The following LMO7 variants were observed in gnomAD, a reference collection of about 807,000 sequenced individuals.
The protein encoded by LMO7 is LIM domain only protein 7.
Under a neutral mutation model 206.5 loss-of-function variants are expected in LMO7, and 120 were observed. That is an observed-to-expected ratio of 0.58 (90% CI 0.50 to 0.68). The LOEUF is 0.68. Among genes scored for constraint, LMO7 ranks in the 30% least tolerant of loss-of-function variants. The pLI is 0.00. For missense variants in LMO7, 1,959 were observed against 1,957.9 expected (o/e 1.00, Z -0.01); for synonymous variants, 706 against 681.5 (o/e 1.04, Z -0.56).
At chr13:75,632,848 C>G (rs548931514), upstream of LMO7, among the ~76,000 whole-genome samples, 1 of 110,130 alleles carries the variant, frequency 9.1e-6, no homozygotes, top group Non-Finnish European at 2.0e-5. Flanking sequence ...GAGGTATTCA[C>G]TAATTACTTA....
chr13:75,814,580 C>G (rs947577879), intron 11 of LMO7, among the ~76,000 whole-genome samples: 1 of 152,200 alleles, frequency 6.6e-6, no homozygotes, highest in African/African-American at 2.4e-5. Context: ...CGGGCACCTA[C>G]TGCAGGCTGG....
intron 2 of LMO7, among the ~76,000 whole-genome samples, chr13:75,724,333 T>A (rs945689989): frequency 3.3e-5 from 5 of 151,994 alleles, no homozygotes; most frequent in African/African-American, 1.2e-4. Flanking sequence ...CTAGGGAAAG[T>A]CTTGGGGGAA....
At chr13:75,727,610 C>T (rs1056575531) in intron 3 of LMO7, among the ~76,000 whole-genome samples, 10 of 151,792 alleles carry the variant, frequency 6.6e-5, no homozygotes, top group Admixed American at 6.6e-5. Context: ...ATTGCCTATA[C>T]TTTGCTTTTT....
chr13:75,809,057 T>C, intron 10 of LMO7, 97 bp from the exon 11 acceptor site: 1 of 877,494 alleles, frequency 1.1e-6, no homozygotes. Context: ...GATTTGTCCG[T>C]CTCCAGTTAG....
intron 2 of LMO7, among the ~76,000 whole-genome samples, chr13:75,714,870 ATTAT>A (rs1287603519): frequency 6.6e-6 from 1 of 151,902 alleles, no homozygotes; most frequent in Non-Finnish European, 1.5e-5. Context: ...TACTTTAGCT[ATTAT>A]TTAAATGTTT....
chr13:75,837,222 A>G (rs1002140011), intron 19 of LMO7, among the ~76,000 whole-genome samples: 1 of 152,120 alleles, frequency 6.6e-6, no homozygotes, highest in African/African-American at 2.4e-5. Context: ...TTCCTCATCG[A>G]TTATTTAATT....
At chr13:75,734,732 C>T (rs538880854) in intron 3 of LMO7, among the ~76,000 whole-genome samples, 101 of 152,178 alleles carry the variant, frequency 6.6e-4, no homozygotes, top group Non-Finnish European at 1.3e-3. Flanking sequence ...AATATTAATT[C>T]CTTCCTTCCT....
At position 75,849,301 on chromosome 13, in the gene LMO7, C is replaced by A. The variant is rs772873290; in HGVS notation, c.4364+9C>A. 2 of 1,604,884 alleles carry A rather than the reference C, an allele frequency of 1.2e-6. No individual in the cohort carries two copies. The highest frequency in any genetic ancestry group is 8.5e-7 in the Non-Finnish European group (1 of 1,171,720). ...CCTGGGATCATGAGAAGGTGCGAGACATCTTAGGAATTGGTTTCTTGTCTT... is the reference window on the plus strand; with the variant it reads ...CCTGGGATCATGAGAAGGTGCGAGAAATCTTAGGAATTGGTTTCTTGTCTT... On this transcript the variant is annotated intron_variant, in intron 27 of 30. Transcript: ENST00000377534.
intron 1 of LMO7, among the ~76,000 whole-genome samples, chr13:75,708,444 C>T (rs2042817350): frequency 6.6e-6 from 1 of 152,156 alleles, no homozygotes; most frequent in Non-Finnish European, 1.5e-5. Flanking sequence ...TGCTTTGAAT[C>T]TATATTGATT....
intron 1 of LMO7, among the ~76,000 whole-genome samples, chr13:75,693,884 T>C (rs561105876): frequency 8.3e-4 from 127 of 152,322 alleles, no homozygotes; most frequent in African/African-American, 2.9e-3. Flanking sequence ...TCTCTCATTG[T>C]ACCTAAAGTC....
chr13:75,667,406 A>C (rs1250901488), intron 1 of LMO7, among the ~76,000 whole-genome samples: 3 of 152,068 alleles, frequency 2.0e-5, no homozygotes. Context: ...AATGTTAGCT[A>C]TTTTAATGTT....
At chr13:75,785,908 T>C (rs2052354599) in intron 4 of LMO7, among the ~76,000 whole-genome samples, 1 of 152,240 alleles carries the variant, frequency 6.6e-6, no homozygotes, top group South Asian at 2.1e-4. Flanking sequence ...ATGTCTAGTT[T>C]AGTATTCTTT....
At chr13:75,756,034 A>C (rs17065016) in intron 3 of LMO7, among the ~76,000 whole-genome samples, 2,247 of 152,314 alleles carry the variant, frequency 0.015, 84 homozygotes, top group African/African-American at 0.051. Context: ...TTTCAGGCAT[A>C]GATTAAATTC....
At chr13:75,766,028 A>G (rs1214142759) in intron 4 of LMO7, among the ~76,000 whole-genome samples, 4 of 152,160 alleles carry the variant, frequency 2.6e-5, no homozygotes, top group Admixed American at 1.3e-4. Context: ...AGCAGTTGAC[A>G]TGAGTCCCTT....
At position 75,841,677 on chromosome 13, in the gene LMO7, C is replaced by T. The variant is rs779350017; in HGVS notation, c.3725C>T (p.Pro1242Leu). Residue 1242 changes from proline (P) to leucine (L), a missense_variant, in exon 24 of 31, where the codon CCC becomes CTC. Transcript: ENST00000377534. Reference sequence around the variant, plus strand: ...AGCATGTCTCTGACCACACGGGAGCCCTCTCTTGCCACCTGGGAAGCTACC... The same window carrying T: ...AGCATGTCTCTGACCACACGGGAGCTCTCTCTTGCCACCTGGGAAGCTACC... ...SNSMSLTTRE[P>L]SLATWEATWS... The T allele has an allele frequency of 9.3e-6, 15 of 1,613,972 alleles. No homozygotes were observed. Among genetic ancestry groups the T allele is most frequent in the Admixed American group, 3.3e-5 (2 of 60,004 alleles).
rs1046113624 is a variant in LMO7 at position 75,763,864 on chromosome 13, T to C, written c.317+2826T>C. Among the ~76,000 whole-genome samples the C allele has an allele frequency of 4.6e-5, 7 of 152,218 alleles. No individual in the cohort carries two copies. In the East Asian group the frequency reaches 1.4e-3, roughly 29 times the overall value. ...AATAGCAGAAGCAAGTAAAGAGCTGTTGTTAATGAATAGTTTCAATAATCC... is the reference window on the plus strand; with the variant it reads ...AATAGCAGAAGCAAGTAAAGAGCTGCTGTTAATGAATAGTTTCAATAATCC... On this transcript the variant is annotated intron_variant, in intron 4 of 30. Coordinates refer to ENST00000377534, the MANE Select transcript of LMO7 (RefSeq NM_001306080.2).
intron 4 of LMO7, among the ~76,000 whole-genome samples, chr13:75,788,292 T>C (rs1279360290): frequency 6.6e-6 from 1 of 151,896 alleles, no homozygotes; most frequent in Non-Finnish European, 1.5e-5. Flanking sequence ...ACCCCATCTC[T>C]ACTAAAAATA....
At chr13:75,835,869 A>T (rs1414401327) in intron 18 of LMO7, among the ~76,000 whole-genome samples, 1 of 152,148 alleles carries the variant, frequency 6.6e-6, no homozygotes, top group Non-Finnish European at 1.5e-5. Flanking sequence ...GTATCAAAGC[A>T]ATACTTTTTC....
intron 15 of LMO7, among the ~76,000 whole-genome samples, chr13:75,824,690 A>G (rs1214814253): frequency 6.6e-6 from 1 of 152,152 alleles, no homozygotes; most frequent in Non-Finnish European, 1.5e-5. Flanking sequence ...ACCCCTTAGC[A>G]TGGAAGAGCT....
Sources: allele counts gnomAD v4.1 joint callset (sites outside exome capture counted in the v4.1 genomes callset), GRCh38; gene constraint gnomAD v4.1.1; transcripts MANE v1.5; gene names NCBI Gene and HGNC (gene_info 2026-07-23, HGNC 2026-07-21).